Variants in RYR2 observed in about 807,000 individuals in gnomAD.
RYR2 encodes the protein ryanodine receptor 2.
A neutral mutation model predicts 601.1 loss-of-function variants in RYR2; 227 were observed. The ratio of observed to expected loss-of-function variants is 0.38; its 90% CI spans 0.34 to 0.42. RYR2 has a LOEUF of 0.42. RYR2 is among the 10% of genes least tolerant of loss of function. The probability of loss-of-function intolerance (pLI) is 1.00; values close to 1 mark genes in which losing one functional copy is unlikely to be tolerated. For missense variants in RYR2, 4,646 were observed against 6,156.5 expected, an observed-to-expected ratio of 0.75 and a Z score of 8.21; for synonymous variants, 2,223 against 2,175.1, an observed-to-expected ratio of 1.02 and a Z score of -0.61.
intron 1 of RYR2, among the ~76,000 whole-genome samples, chr1:237,133,944 A>G (rs1672467424): frequency 6.6e-6 from 1 of 151,606 alleles, no homozygotes; most frequent in African/African-American, 2.4e-5. Flanking sequence ...AAAAAAACCA[A>G]GTGGGAGTCA....
Position 237,445,899 on chromosome 1 carries a change from C to T in RYR2, c.1292+377C>T, listed in dbSNP as rs192996494. 4.6e-5 allele frequency among the ~76,000 whole-genome samples: 7 copies of T among 152,244 alleles called. No homozygotes were observed. In the East Asian group the frequency reaches 1.4e-3, roughly 29 times the overall value. On this transcript the variant is annotated intron_variant, in intron 14 of 104. Transcript: ENST00000366574. ...TGGTGCAGTCTCGGCTCACTGCATCCTCTGCCTCCTGGGTTCAAGCGATTC... is the reference window on the plus strand; with the variant it reads ...TGGTGCAGTCTCGGCTCACTGCATCTTCTGCCTCCTGGGTTCAAGCGATTC...
At position 237,126,762 on chromosome 1, in the gene RYR2, TTTTATTTTTTTTATTTA is replaced by T. The variant is rs1233435406; in HGVS notation, c.48+84205_48+84221del. ...TAAAGACTTATGGAAAGAATTTTTA[TTTTATTTTTTTTATTTA>T]TTTATTTTTTTAAATTTATTTTTTA... On this transcript the variant is annotated intron_variant, in intron 1 of 104. Coordinates refer to ENST00000366574, the MANE Select transcript of RYR2 (RefSeq NM_001035.3). Among the ~76,000 whole-genome samples, 5 of 152,102 alleles carry T rather than the reference TTTTATTTTTTTTATTTA, an allele frequency of 3.3e-5. No individual in the cohort carries two copies. The East Asian group carries it at 7.7e-4, about 23-fold the overall frequency.
intron 4 of RYR2, among the ~76,000 whole-genome samples, chr1:237,360,916 G>C (rs535401092): frequency 6.6e-6 from 1 of 152,256 alleles, no homozygotes; most frequent in Non-Finnish European, 1.5e-5. Flanking sequence ...GTCTTGCTCT[G>C]TCACCCAAGC....
chr1:237,749,136 T>C (rs1458929234), intron 80 of RYR2, among the ~76,000 whole-genome samples: 2 of 152,178 alleles, frequency 1.3e-5, no homozygotes, highest in Non-Finnish European at 2.9e-5. Flanking sequence ...TGCACAGTAA[T>C]GTAACTTCAT....
intron 25 of RYR2, among the ~76,000 whole-genome samples, chr1:237,542,681 G>C (rs1424862050): frequency 6.6e-6 from 1 of 152,176 alleles, no homozygotes; most frequent in South Asian, 2.1e-4. Flanking sequence ...CTCTTTAGGA[G>C]TGCTGGAAAG....
At chr1:237,632,662 C>T (rs530177176) in intron 42 of RYR2, among the ~76,000 whole-genome samples, 1 of 152,166 alleles carries the variant, frequency 6.6e-6, no homozygotes, top group Non-Finnish European at 1.5e-5. Context: ...TCCCAAAGTG[C>T]TGGGATTACA....
chr1:237,145,501 T>C (rs1287180119), intron 1 of RYR2, among the ~76,000 whole-genome samples: 1 of 152,202 alleles, frequency 6.6e-6, no homozygotes, highest in Non-Finnish European at 1.5e-5. Context: ...GTTTTTCTGA[T>C]GGGTACTCCT....
At chr1:237,570,338 A>ATTT (rs202206483) in intron 29 of RYR2, among the ~76,000 whole-genome samples, 2 of 143,018 alleles carry the variant, frequency 1.4e-5, no homozygotes, top group African/African-American at 5.1e-5. Context: ...GTTAGTTTGA[A>ATTT]TTTTTTTTTT....
At chr1:237,113,646 A>AG (rs1669743183) in intron 1 of RYR2, among the ~76,000 whole-genome samples, 1 of 152,156 alleles carries the variant, frequency 6.6e-6, no homozygotes, top group South Asian at 2.1e-4. Flanking sequence ...TCAATGTGTG[A>AG]GGAACAGACT....
At chr1:237,367,383 C>A (rs557893965) in intron 5 of RYR2, among the ~76,000 whole-genome samples, 16 of 137,840 alleles carry the variant, frequency 1.2e-4, no homozygotes, top group Admixed American at 2.2e-4. Context: ...TGAGCCACTG[C>A]GTCTGGCCCC....
intron 38 of RYR2, among the ~76,000 whole-genome samples, chr1:237,623,367 C>CTTTCTTTCTTTG (rs1559129427): frequency 3.2e-5 from 2 of 61,682 alleles, no homozygotes; most frequent in Admixed American, 2.0e-4. Flanking sequence ...TTGTTTCTTT[C>CTTTCTTTCTTTG]TTTCTTTCTT....
chr1:237,709,206 G>T lies in RYR2; in HGVS notation c.10142+108G>T, dbSNP rs1342632274. The T allele has an allele frequency of 2.8e-6, 3 of 1,066,084 alleles. No homozygotes were observed. The South Asian group carries it at 5.6e-5, about 20-fold the overall frequency. The allele number at this position is 1,066,084 out of a possible 1,614,324, so 66.0% of individuals were successfully genotyped here. A position where few individuals can be genotyped will look rare whatever the true frequency, so the allele number is the denominator to read the frequency against. On this transcript the variant is annotated intron_variant, in intron 69 of 104. Coordinates refer to ENST00000366574, the MANE Select transcript of RYR2 (RefSeq NM_001035.3). ...TCACTATTTTGCCATGAGCTTGTTG[G>T]TAATTATAATTAACTGTTTATAGGC...
At chr1:237,760,879 T>G in intron 83 of RYR2, 76 bp from the exon 84 acceptor site, 1 of 878,594 alleles carries the variant, frequency 1.1e-6, no homozygotes, top group Admixed American at 2.2e-5. Context: ...TATATGGTGT[T>G]TAGATGTTTG....
At position 237,832,406 on chromosome 1, in the gene RYR2, G is replaced by A. The variant is rs143446190; in HGVS notation, c.14809-146G>A. The A allele has an allele frequency of 5.0e-4, 238 of 475,732 alleles. No homozygotes were observed. In the East Asian group the frequency reaches 7.6e-3, roughly 15 times the overall value. The allele number at this position is 475,732 out of a possible 1,614,324, so 29.5% of individuals were successfully genotyped here. On this transcript the variant is annotated intron_variant, in intron 104 of 104. Transcript: ENST00000366574. ...ATGAAGATTATTATGAGACGTTAAGGTCTGGTATAGTTAGTTAGGAACCAT... is the reference window on the plus strand; with the variant it reads ...ATGAAGATTATTATGAGACGTTAAGATCTGGTATAGTTAGTTAGGAACCAT...
intron 3 of RYR2, chr1:237,352,955 G>T: frequency 2.3e-6 from 1 of 437,072 alleles, no homozygotes; most frequent in Admixed American, 2.5e-5. Flanking sequence ...TCATGGGAAA[G>T]GCAAAATAAT....
At chr1:237,412,166 T>C (rs939162007) in intron 10 of RYR2, among the ~76,000 whole-genome samples, 1 of 152,026 alleles carries the variant, frequency 6.6e-6, no homozygotes, top group African/African-American at 2.4e-5. Flanking sequence ...ACAACTGAGA[T>C]AAGACTCAAA....
At chr1:237,821,165 T>C (rs1662454589) in intron 101 of RYR2, among the ~76,000 whole-genome samples, 2 of 152,290 alleles carry the variant, frequency 1.3e-5, no homozygotes, top group South Asian at 4.1e-4. Context: ...AGCACAGTGT[T>C]CGAGCTCTAA....
At chr1:237,494,267 A>G (rs1663779680) in intron 19 of RYR2, among the ~76,000 whole-genome samples, 1 of 152,278 alleles carries the variant, frequency 6.6e-6, no homozygotes, top group East Asian at 1.9e-4. Flanking sequence ...TGCAGCCTTC[A>G]GCCTGTGGCT....
chr1:237,825,463 T>C (rs1346142216), intron 101 of RYR2, among the ~76,000 whole-genome samples: 2 of 152,184 alleles, frequency 1.3e-5, no homozygotes, highest in Non-Finnish European at 2.9e-5. Flanking sequence ...GCTAGCCATA[T>C]GCAGAAAGCT....
Sources: allele counts gnomAD v4.1 joint callset (sites outside exome capture counted in the v4.1 genomes callset), GRCh38; gene constraint gnomAD v4.1.1; transcripts MANE v1.5; gene names NCBI Gene and HGNC (gene_info 2026-07-23, HGNC 2026-07-21).